Variants in KIF20B observed in about 807,000 individuals in gnomAD.
KIF20B encodes kinesin family member 20B.
Under a neutral mutation model 232.5 loss-of-function variants are expected in KIF20B, and 188 were observed. That is an observed-to-expected ratio of 0.81 (90% CI 0.72 to 0.91). The LOEUF (loss-of-function observed/expected upper bound fraction) is 0.91, where lower values mean the gene tolerates loss of function less well. Ranked by LOEUF, KIF20B falls within the 40% of genes least tolerant of loss-of-function variation. KIF20B has a pLI of 0.00. For missense variants in KIF20B, 2,154 were observed against 2,055.9 expected (o/e 1.05, Z -0.92); for synonymous variants, 712 against 683.0 (o/e 1.04, Z -0.66).
chr10:89,717,545 C>G, intron 10 of KIF20B, 31 bp from the exon 11 acceptor site: 4 of 1,592,368 alleles, frequency 2.5e-6, no homozygotes, highest in Non-Finnish European at 3.4e-6. Context: ...TTTTGAAGAA[C>G]TTTTAAAGTA....
At chr10:89,745,494 T>A (rs1160856955) in intron 22 of KIF20B, among the ~76,000 whole-genome samples, 6 of 152,138 alleles carry the variant, frequency 3.9e-5, no homozygotes, top group African/African-American at 7.2e-5. Flanking sequence ...CTGCGCTCCA[T>A]CCTGGGTGGC....
chr10:89,748,335 A>T (rs1269191838), intron 23 of KIF20B, among the ~76,000 whole-genome samples: 1 of 152,062 alleles, frequency 6.6e-6, no homozygotes, highest in Non-Finnish European at 1.5e-5. Flanking sequence ...TAGATGATAC[A>T]TATTTCTGTT....
intron 28 of KIF20B, 50 bp from the exon 29 acceptor site, chr10:89,762,588 A>T: frequency 7.2e-7 from 1 of 1,397,198 alleles, no homozygotes; most frequent in Non-Finnish European, 1.0e-6. Context: ...TTTGTGGTTT[A>T]TAAATGTATA....
intron 31 of KIF20B, among the ~76,000 whole-genome samples, chr10:89,770,925 C>T (rs911356943): frequency 6.6e-6 from 1 of 152,026 alleles, no homozygotes; most frequent in Non-Finnish European, 1.5e-5. Context: ...TTCTGAATGA[C>T]CTGATTTCTG....
chr10:89,707,905 C>A (rs547689894), intron 2 of KIF20B, among the ~76,000 whole-genome samples: 52 of 152,292 alleles, frequency 3.4e-4, no homozygotes, highest in African/African-American at 1.2e-3. Context: ...GTTTTCCCAT[C>A]TGTAGAGATA....
chr10:89,754,461 CAT>C, intron 25 of KIF20B, 55 bp from the exon 26 acceptor site: 1 of 1,127,994 alleles, frequency 8.9e-7, no homozygotes, highest in Non-Finnish European at 1.2e-6. Context: ...GTTATAGAAA[CAT>C]GTATTGACTA....
intron 18 of KIF20B, among the ~76,000 whole-genome samples, chr10:89,731,685 A>G (rs1843323000): frequency 6.6e-6 from 1 of 152,176 alleles, no homozygotes; most frequent in South Asian, 2.1e-4. Flanking sequence ...TGACGGGATC[A>G]TTCTGATAGG....
At chr10:89,767,274 T>A (rs1842381399) in intron 29 of KIF20B, among the ~76,000 whole-genome samples, 1 of 151,758 alleles carries the variant, frequency 6.6e-6, no homozygotes, top group Non-Finnish European at 1.5e-5. Context: ...GGTGGTTTGC[T>A]GCACCCATCA....
rs1439937249 is a variant in KIF20B, at chr10:89,751,694, T to TA, written c.4222+224dup. The stretch of plus-strand genomic sequence containing the variant: ...GGAGTAAGGACACTGCATGATAACT[T>TA]ACGAATTATATATTGCAAGTTATGG... On this transcript the variant is annotated intron_variant, in intron 24 of 32. Coordinates refer to ENST00000371728, the MANE Select transcript of KIF20B (RefSeq NM_001284259.2). Among the ~76,000 whole-genome samples, 3 of 152,098 alleles carry TA rather than the reference T, an allele frequency of 2.0e-5. No individual in the cohort carries two copies. In the East Asian group the frequency reaches 5.8e-4, roughly 29 times the overall value.
intron 20 of KIF20B, 71 bp downstream of exon 20, chr10:89,738,688 G>C: frequency 6.9e-7 from 1 of 1,458,302 alleles, no homozygotes; most frequent in Non-Finnish European, 9.0e-7. Context: ...CTTTAAAAAA[G>C]TTAGATAGTC....
At chr10:89,747,375 T>C (rs1367521932) in intron 23 of KIF20B, among the ~76,000 whole-genome samples, 2 of 152,098 alleles carry the variant, frequency 1.3e-5, no homozygotes, top group East Asian at 1.9e-4. Flanking sequence ...ACCCAGCCAT[T>C]CCATTACTGG....
chr10:89,757,040 G>GTGTGTGTATATATATATATA (rs1301847520), intron 26 of KIF20B, among the ~76,000 whole-genome samples: 8 of 110,736 alleles, frequency 7.2e-5, no homozygotes, highest in South Asian at 3.1e-4. Context: ...GTGTGTGTGT[G>GTGTGTGTATATATATATATA]TATATATATA....
At chr10:89,762,460 A>C (rs548791302) in intron 28 of KIF20B, among the ~76,000 whole-genome samples, 178 bp from the exon 29 acceptor site, 5 of 152,284 alleles carry the variant, frequency 3.3e-5, no homozygotes, top group African/African-American at 1.2e-4. Context: ...TTAACATACC[A>C]TGTGTGAGCC....
intron 29 of KIF20B, among the ~76,000 whole-genome samples, chr10:89,763,854 A>G (rs533296842): frequency 6.8e-6 from 1 of 147,872 alleles, no homozygotes; most frequent in South Asian, 2.1e-4. Flanking sequence ...GTTACTATTA[A>G]TATTTATTAA....
chr10:89,757,016 T>G (rs1842133037), intron 26 of KIF20B, among the ~76,000 whole-genome samples: 1 of 131,264 alleles, frequency 7.6e-6, no homozygotes, highest in Admixed American at 7.5e-5. Flanking sequence ...TTTGCATATA[T>G]CTCTGTTGTG....
chr10:89,737,373 T>C lies in KIF20B; in HGVS notation c.2546-14T>C. ...AGGTTTGCCAGATTAATAACAATTT[T>C]CTTATTTTTAAAGGGTCTATCCATG... On this transcript the variant is annotated splice_polypyrimidine_tract_variant and intron_variant, in intron 19 of 32. Transcript: ENST00000371728. The C allele has an allele frequency of 6.8e-7, 1 of 1,460,812 alleles. No homozygotes were observed. Among genetic ancestry groups the C allele is most frequent in the Non-Finnish European group, 9.0e-7 (1 of 1,108,252 alleles). 90.5% of individuals were successfully genotyped at this position (1,460,812 alleles called of 1,614,324 possible).
Position 89,733,062 on chromosome 10 carries a change from A to C in KIF20B, c.2545+6A>C, listed in dbSNP as rs776294193. 1.2e-6 allele frequency: 2 copies of C among 1,613,330 alleles called. No homozygotes were observed. Among genetic ancestry groups the C allele is most frequent in the Admixed American group, 3.3e-5 (2 of 60,010 alleles). On this transcript the variant is annotated splice_donor_region_variant and intron_variant, in intron 19 of 32. Coordinates refer to ENST00000371728, the MANE Select transcript of KIF20B (RefSeq NM_001284259.2). ...TGAACCACCAGCAAAGAAAGGTACT[A>C]CTTCAGCTGCCAGCAGCAGGCGTTT...
At chr10:89,728,410 C>A (rs573117256) in intron 17 of KIF20B, among the ~76,000 whole-genome samples, 23 of 152,292 alleles carry the variant, frequency 1.5e-4, no homozygotes, top group Admixed American at 3.9e-4. Flanking sequence ...AGAACACTTA[C>A]CATTTACCAG....
rs191944403 is a variant in KIF20B at position 89,747,907 on chromosome 10, T to A, written c.4096+1948T>A. ...ATAATAATAATAATAATAAAATTTT[T>A]AAAAAGCTGCTTAATAATTTAGATT... On this transcript the variant is annotated intron_variant, in intron 23 of 32. Coordinates refer to ENST00000371728, the MANE Select transcript of KIF20B (RefSeq NM_001284259.2). Among the ~76,000 whole-genome samples the A allele has an allele frequency of 8.5e-3, 1,290 of 152,162 alleles. 19 individuals carry two copies. Among genetic ancestry groups the A allele is most frequent in the African/African-American group, 0.029 (1,223 of 41,516 alleles).
Sources: allele counts gnomAD v4.1 joint callset (sites outside exome capture counted in the v4.1 genomes callset), GRCh38; gene constraint gnomAD v4.1.1; transcripts MANE v1.5; gene names NCBI Gene and HGNC (gene_info 2026-07-23, HGNC 2026-07-21).